The following SLMAP variants were observed in gnomAD, a reference collection of about 807,000 sequenced individuals.
The protein encoded by SLMAP is sarcolemmal membrane-associated protein.
A neutral mutation model predicts 128.8 loss-of-function variants in SLMAP; 44 were observed. The observed-to-expected ratio is 0.34, with a 90% CI of 0.27 to 0.44. SLMAP has a LOEUF of 0.44. Among genes scored for constraint, SLMAP ranks in the 20% least tolerant of loss-of-function variants. The pLI is 1.00. For synonymous variants in SLMAP, 327 were observed against 348.8 expected (o/e 0.94, Z 0.70); for missense variants, 787 against 985.3 (o/e 0.80, Z 2.69).
chr3:57,854,747 A>G (rs1183706783), intron 6 of SLMAP, among the ~76,000 whole-genome samples: 1 of 152,146 alleles, frequency 6.6e-6, no homozygotes, highest in Non-Finnish European at 1.5e-5. Flanking sequence ...CTTCAGTTGG[A>G]ATGAGTTTGT....
Position 57,913,157 on chromosome 3 carries a change from G to T in SLMAP, c.2021-1G>T. ...ACAAATATGTTTTGGGACTATTTTA[G>T]GTGAACTAGAGAAGTTGAGAAAGGA... On this transcript the variant is annotated splice_acceptor_variant, in intron 20 of 24. Coordinates refer to ENST00000671191, the MANE Select transcript of SLMAP (RefSeq NM_001377540.1). LOFTEE classifies it high-confidence loss of function. 7.2e-7 allele frequency: 1 copy of T among 1,382,588 alleles called. No homozygotes were observed. The highest frequency in any genetic ancestry group is 1.0e-6 in the Non-Finnish European group (1 of 976,456). 85.6% of individuals were successfully genotyped at this position (1,382,588 alleles called of 1,614,324 possible). A position where few individuals can be genotyped will look rare whatever the true frequency, so the allele number is the denominator to read the frequency against.
chr3:57,766,300 G>A (rs896900536), intron 2 of SLMAP, among the ~76,000 whole-genome samples: 1 of 151,704 alleles, frequency 6.6e-6, no homozygotes, highest in South Asian at 2.1e-4. Flanking sequence ...ACAGGCGTGA[G>A]CCACCACACC....
Position 57,909,163 on chromosome 3 carries a change from C to G in SLMAP, c.1699+13C>G, listed in dbSNP as rs1009843149. 1 of 1,570,396 alleles carries G rather than the reference C, an allele frequency of 6.4e-7. No homozygotes were observed. Among genetic ancestry groups the G allele is most frequent in the East Asian group, 2.2e-5 (1 of 44,526 alleles). On this transcript the variant is annotated intron_variant, in intron 19 of 24. Coordinates refer to ENST00000671191, the MANE Select transcript of SLMAP (RefSeq NM_001377540.1). ...CAGGTTCTTCAAGGTATGGAAGACC[C>G]CAAGGCTCTTTGAGATTGTTATTGT...
Position 57,920,973 on chromosome 3 carries a change from C to T in SLMAP, c.2311-1916C>T, listed in dbSNP as rs112054244. 3.2e-3 allele frequency among the ~76,000 whole-genome samples: 488 copies of T among 151,748 alleles called. 3 individuals carry two copies. Among genetic ancestry groups the T allele is most frequent in the African/African-American group, 0.011 (465 of 41,372 alleles). Reference sequence around the variant, plus strand: ...AGGAGGTTGCAGTGAGCCAAGATCACGCCACTGCACTCCAGCCTGGGTGAC... The same window carrying T: ...AGGAGGTTGCAGTGAGCCAAGATCATGCCACTGCACTCCAGCCTGGGTGAC... On this transcript the variant is annotated intron_variant, in intron 22 of 24. Transcript: ENST00000671191.
chr3:57,854,709 A>G (rs1418408037), intron 6 of SLMAP, among the ~76,000 whole-genome samples: 1 of 152,188 alleles, frequency 6.6e-6, no homozygotes, highest in African/African-American at 2.4e-5. Context: ...ATTATAAAGT[A>G]TTTTTGCTGA....
chr3:57,886,723 A>G (rs920699729), intron 14 of SLMAP, among the ~76,000 whole-genome samples: 2 of 152,036 alleles, frequency 1.3e-5, no homozygotes, highest in African/African-American at 4.8e-5. Context: ...AGAATACAAG[A>G]TAATTCCCCA....
At chr3:57,857,182 G>A (rs1403318154) in intron 6 of SLMAP, among the ~76,000 whole-genome samples, 1 of 152,042 alleles carries the variant, frequency 6.6e-6, no homozygotes, top group Non-Finnish European at 1.5e-5. Context: ...TTCTATTATG[G>A]GAGAAGTTGC....
chr3:57,764,266 C>T (rs1479325001), intron 2 of SLMAP, among the ~76,000 whole-genome samples: 1 of 152,006 alleles, frequency 6.6e-6, no homozygotes, highest in Non-Finnish European at 1.5e-5. Flanking sequence ...CTTTGGGAGG[C>T]CGAGATGGGT....
At chr3:57,776,626 A>G (rs1266614907) in intron 2 of SLMAP, among the ~76,000 whole-genome samples, 1 of 147,964 alleles carries the variant, frequency 6.8e-6, no homozygotes, top group Non-Finnish European at 1.5e-5. Flanking sequence ...TCTCAGGTTC[A>G]AGTGATTCTC....
chr3:57,896,582 G>T lies in SLMAP; in HGVS notation c.1432G>T (p.Asp478Tyr), dbSNP rs1016820088. ...LSPSKEKSSD[D>Y]TTDAQMDEQD... ...TCCAAGCAAGGAAAAAAGCAGTGAC[G>T]ACACTACAGGTGAGTTTTAACCTAA... is the stretch of plus-strand genomic sequence containing the variant. Residue 478 changes from aspartate to tyrosine, a missense_variant, in exon 16 of 25, where the codon GAC (aspartate) becomes TAC (tyrosine). By Grantham distance (160) the Asp-to-Tyr change is radical. Coordinates refer to ENST00000671191, the MANE Select transcript of SLMAP (RefSeq NM_001377540.1). 8 of 1,607,756 alleles carry T rather than the reference G, an allele frequency of 5.0e-6. No homozygotes were observed. The highest frequency in any genetic ancestry group is 6.8e-6 in the Non-Finnish European group (8 of 1,176,846).
chr3:57,762,709 G>GGT, intron 2 of SLMAP, among the ~76,000 whole-genome samples: 2 of 140,488 alleles, frequency 1.4e-5, no homozygotes, highest in Non-Finnish European at 1.5e-5. Context: ...ATAGTAGAAT[G>GGT]GTTTTTTTTT....
intron 2 of SLMAP, among the ~76,000 whole-genome samples, chr3:57,819,607 A>G (rs1315923627): frequency 6.6e-6 from 1 of 152,156 alleles, no homozygotes; most frequent in Admixed American, 6.5e-5. Flanking sequence ...AATATCAACT[A>G]TCCTTAGATG....
At chr3:57,881,730 AGGCATGAGCTGCT>A (rs1318966752) in intron 14 of SLMAP, among the ~76,000 whole-genome samples, 8 of 152,218 alleles carry the variant, frequency 5.3e-5, no homozygotes, top group African/African-American at 1.9e-4. Context: ...CTGGGATTAC[AGGCATGAGCTGCT>A]GCACCCGGCC....
rs1267302738 is a variant in SLMAP at position 57,921,760 on chromosome 3, C to T, written c.2311-1129C>T. Among the ~76,000 whole-genome samples the T allele has an allele frequency of 3.9e-5, 6 of 152,090 alleles. No homozygotes were observed. In the East Asian group the frequency reaches 1.2e-3, roughly 29 times the overall value. On this transcript the variant is annotated intron_variant, in intron 22 of 24. Transcript: ENST00000671191. ...TGCTTTTGTTGCCTAGGCTAGAGTG[C>T]AGTGGTGCAACATCAGCTCACTGCA...
At position 57,766,335 on chromosome 3, in the gene SLMAP, A is replaced by G. The variant is rs575553676; in HGVS notation, c.198+8486A>G. Among the ~76,000 whole-genome samples the G allele has an allele frequency of 2.0e-5, 3 of 151,968 alleles. No individual in the cohort carries two copies. The East Asian group carries it at 5.8e-4, about 29-fold the overall frequency. ...CCAGTCTACCTGTCTGGTTTTCTTA[A>G]GTGATATTTCTGCTAGAGCTTAGTA... On this transcript the variant is annotated intron_variant, in intron 2 of 24. Transcript: ENST00000671191.
Position 57,757,393 on chromosome 3 carries a change from G to A in SLMAP, c.-259G>A. 1.8e-6 allele frequency: 1 copy of A among 542,000 alleles called. No individual in the cohort carries two copies. Among genetic ancestry groups the A allele is most frequent in the East Asian group, 3.3e-5 (1 of 30,548 alleles). The allele number at this position is 542,000 out of a possible 1,614,324, so 33.6% of individuals were successfully genotyped here. On this transcript the variant is annotated 5_prime_UTR_variant, in exon 2 of 25. Coordinates refer to ENST00000671191, the MANE Select transcript of SLMAP (RefSeq NM_001377540.1). Reference sequence around the variant, plus strand: ...TGAGCCTTTTCTTCCCAGAGAAGAAGATGGACTGAAAGCTGCCAGTTGGGG... The same window carrying A: ...TGAGCCTTTTCTTCCCAGAGAAGAAAATGGACTGAAAGCTGCCAGTTGGGG...
In SLMAP at chr3:57,882,869, A is replaced by AAAG. The variant is rs774757545; in HGVS notation, c.1301-7170_1301-7168dup. Among the ~76,000 whole-genome samples the AAAG allele has an allele frequency of 3.3e-5, 5 of 152,090 alleles. No homozygotes were observed. The East Asian group carries it at 5.8e-4, about 18-fold the overall frequency. ...TATGTAGATCTTCAACATACTAGAGAAAGACTAGAATAGCTTTCAAAGCTA... is the reference window on the plus strand; with the variant it reads ...TATGTAGATCTTCAACATACTAGAGAAAGAAGACTAGAATAGCTTTCAAAGCTA... On this transcript the variant is annotated intron_variant, in intron 14 of 24. Coordinates refer to ENST00000671191, the MANE Select transcript of SLMAP (RefSeq NM_001377540.1).
intron 2 of SLMAP, among the ~76,000 whole-genome samples, chr3:57,773,954 A>G (rs2081351631): frequency 6.6e-6 from 1 of 152,178 alleles, no homozygotes; most frequent in South Asian, 2.1e-4. Flanking sequence ...ACTATTTCTG[A>G]TATTGCCAGA....
chr3:57,892,885 GTGCAGTGGCTCAATC>G (rs2096126989), intron 15 of SLMAP, among the ~76,000 whole-genome samples: 1 of 142,306 alleles, frequency 7.0e-6, no homozygotes. Context: ...GCAGGCTGGA[GTGCAGTGGCTCAATC>G]TCGGCTCACT....
Sources: gnomAD v4.1 joint callset for allele counts (sites outside exome capture counted in the v4.1 genomes callset) on GRCh38, gnomAD v4.1.1 for gene constraint, MANE v1.5 for transcripts, NCBI Gene and HGNC (gene_info 2026-07-23, HGNC 2026-07-21) for gene names.